IREB2: variants seen among roughly 807,000 people sequenced by gnomAD.
IREB2 encodes the protein iron-responsive element-binding protein 2.
In IREB2, 39 loss-of-function variants were observed where a neutral mutation model predicts 118.8. The ratio of observed to expected loss-of-function variants is 0.33; its 90% CI spans 0.25 to 0.43. IREB2 has a LOEUF of 0.43. Among genes scored for constraint, IREB2 ranks in the 20% least tolerant of loss-of-function variants. The pLI, the probability that IREB2 is intolerant of heterozygous loss-of-function variation, is 1.00. For missense variants in IREB2, 900 were observed against 1,147.3 expected (o/e 0.78, Z 3.11); for synonymous variants, 372 against 392.2 (o/e 0.95, Z 0.61).
At chr15:78,474,860 C>T (rs1393793731) in intron 8 of IREB2, 1 of 150,100 alleles carries the variant, frequency 6.7e-6, no homozygotes, top group Admixed American at 6.6e-5. Context: ...TCGAGACCAT[C>T]CTGGCTAACA....
intron 2 of IREB2, among the ~76,000 whole-genome samples, chr15:78,450,885 C>T (rs1316018476): frequency 6.9e-6 from 1 of 145,736 alleles, no homozygotes; most frequent in Non-Finnish European, 1.5e-5. Flanking sequence ...TTTTAATATA[C>T]AATGTAATGG....
intron 2 of IREB2, among the ~76,000 whole-genome samples, chr15:78,447,416 C>T (rs958838928): frequency 5.3e-5 from 8 of 151,748 alleles, no homozygotes; most frequent in Non-Finnish European, 1.5e-5. Flanking sequence ...CTGCAACCTC[C>T]GCCTACCAGG....
At chr15:78,463,224 A>C in intron 3 of IREB2, 137 bp downstream of exon 3, 1 of 737,706 alleles carries the variant, frequency 1.4e-6, no homozygotes, top group Non-Finnish European at 2.2e-6. Context: ...AGATCACTTG[A>C]GCCTGGGAGT....
intron 9 of IREB2, 103 bp from the exon 10 acceptor site, chr15:78,478,194 A>G: frequency 1.4e-6 from 1 of 725,056 alleles, no homozygotes; most frequent in Non-Finnish European, 2.4e-6. Context: ...TGATTGCAGC[A>G]CTGCGCTCCA....
chr15:78,466,828 C>T (rs904547080), intron 5 of IREB2, among the ~76,000 whole-genome samples: 9 of 152,108 alleles, frequency 5.9e-5, no homozygotes, highest in Non-Finnish European at 4.4e-5. Flanking sequence ...TTCATATACT[C>T]GTTAGTCATT....
chr15:78,479,455 T>TA (rs1045898683), intron 10 of IREB2, among the ~76,000 whole-genome samples: 10 of 151,628 alleles, frequency 6.6e-5, no homozygotes, highest in African/African-American at 2.4e-4. Flanking sequence ...AGGGTGGTCT[T>TA]AAACTCCTGG....
At chr15:78,492,921 G>C (rs2051775687) in intron 18 of IREB2, among the ~76,000 whole-genome samples, 1 of 152,182 alleles carries the variant, frequency 6.6e-6, no homozygotes, top group South Asian at 2.1e-4. Flanking sequence ...GTGAATTATA[G>C]TATCACTATT....
At chr15:78,445,344 G>A (rs970331043) in intron 2 of IREB2, among the ~76,000 whole-genome samples, 2 of 152,138 alleles carry the variant, frequency 1.3e-5, no homozygotes, top group African/African-American at 2.4e-5. Flanking sequence ...CGCCATGCTG[G>A]CCAGGCTGGT....
intron 2 of IREB2, among the ~76,000 whole-genome samples, chr15:78,454,564 A>G (rs186601634): frequency 8.5e-4 from 129 of 152,306 alleles, no homozygotes; most frequent in Middle Eastern, 3.4e-3. Flanking sequence ...GATGATGAAA[A>G]TGTTCTAAAA....
chr15:78,451,067 C>T (rs925155956), intron 2 of IREB2, among the ~76,000 whole-genome samples: 10 of 151,966 alleles, frequency 6.6e-5, no homozygotes, highest in African/African-American at 2.2e-4. Flanking sequence ...TAGGTTCAAG[C>T]GATTCTCCTG....
intron 2 of IREB2, among the ~76,000 whole-genome samples, chr15:78,461,014 G>A (rs539885062): frequency 3.0e-4 from 46 of 152,202 alleles, no homozygotes; most frequent in Middle Eastern, 6.8e-3. Flanking sequence ...TATGTATCAT[G>A]CTTTTTCACA....
intron 15 of IREB2, 38 bp from the exon 16 acceptor site, chr15:78,488,609 T>G: frequency 1.3e-6 from 2 of 1,560,594 alleles, no homozygotes; most frequent in Non-Finnish European, 1.7e-6. Context: ...TTCAGAGTTA[T>G]TTTTTTACTG....
At position 78,438,288 on chromosome 15, in the gene IREB2, C is replaced by G. The variant is rs756759296; in HGVS notation, c.-50C>G. 1 of 1,507,736 alleles carries G rather than the reference C, an allele frequency of 6.6e-7. No homozygotes were observed. The highest frequency in any genetic ancestry group is 9.1e-7 in the Non-Finnish European group (1 of 1,102,368). The allele number at this position is 1,507,736 out of a possible 1,614,324, so 93.4% of individuals were successfully genotyped here. On this transcript the variant is annotated 5_prime_UTR_variant, in exon 1 of 22. Transcript: ENST00000258886. Reference sequence around the variant, plus strand: ...CCCGTCTTCCCTGCCCGGCCTCCCCCTTCTTCCCCCGCTGGCCCCCTCCCC... The same window carrying G: ...CCCGTCTTCCCTGCCCGGCCTCCCCGTTCTTCCCCCGCTGGCCCCCTCCCC...
In IREB2 at chr15:78,466,299, G is replaced by T. The variant is rs1171522184; in HGVS notation, c.439G>T (p.Gly147Cys). Residue 147 changes from glycine (G) to cysteine (C), a missense_variant, in exon 5 of 22, where the codon GGT becomes TGT. Gly to Cys is a radical substitution (Grantham distance 159, BLOSUM62 -3). Transcript: ENST00000258886. ...AATACAGAATGCACCAAATCCTGGAGGTGGTGACCTGCAGAAAGCAGGAAA... is the reference window on the plus strand; with the variant it reads ...AATACAGAATGCACCAAATCCTGGATGTGGTGACCTGCAGAAAGCAGGAAA... ...CAIQNAPNPG[G>C]GDLQKAGKLS... 2 of 1,613,712 alleles carry T rather than the reference G, an allele frequency of 1.2e-6. No homozygotes were observed. The highest frequency in any genetic ancestry group is 3.3e-5 in the Admixed American group (2 of 60,016).
At chr15:78,464,037 A>G (rs1042667089) in intron 3 of IREB2, among the ~76,000 whole-genome samples, 1 of 152,170 alleles carries the variant, frequency 6.6e-6, no homozygotes, top group African/African-American at 2.4e-5. Flanking sequence ...CCTTTTAAAT[A>G]TATCTTGTGT....
intron 2 of IREB2, among the ~76,000 whole-genome samples, chr15:78,450,851 TG>T (rs2051013573): frequency 6.6e-6 from 1 of 151,544 alleles, no homozygotes; most frequent in African/African-American, 2.4e-5. Flanking sequence ...TGTGTGTGTG[TG>T]TGTGTGTGTG....
intron 2 of IREB2, among the ~76,000 whole-genome samples, chr15:78,451,898 G>A (rs1325560214): frequency 1.3e-5 from 2 of 152,078 alleles, no homozygotes; most frequent in Non-Finnish European, 2.9e-5. Context: ...CCTGACCTTA[G>A]GTGATCCACT....
At chr15:78,458,771 T>C (rs963776322) in intron 2 of IREB2, among the ~76,000 whole-genome samples, 2 of 152,222 alleles carry the variant, frequency 1.3e-5, no homozygotes, top group African/African-American at 4.8e-5. Flanking sequence ...TTTGTTCACC[T>C]AGTGCTGGAA....
chr15:78,491,769 T>G (rs1177924428), intron 18 of IREB2, among the ~76,000 whole-genome samples: 1 of 152,198 alleles, frequency 6.6e-6, no homozygotes, highest in Non-Finnish European at 1.5e-5. Flanking sequence ...TTGCTGGGAT[T>G]ACAGGCATGA....
Sources: gnomAD v4.1 joint callset for allele counts (sites outside exome capture counted in the v4.1 genomes callset) on GRCh38, gnomAD v4.1.1 for gene constraint, MANE v1.5 for transcripts, NCBI Gene and HGNC (gene_info 2026-07-23, HGNC 2026-07-21) for gene names.